The following FOCAD variants were observed in gnomAD, a reference collection of about 807,000 sequenced individuals.
FOCAD encodes the protein KIAA1797.
A neutral mutation model predicts 225.6 loss-of-function variants in FOCAD; 198 were observed. The observed-to-expected ratio is 0.88, with a 90% CI of 0.78 to 0.99. The LOEUF is 0.99. FOCAD is among the 50% of genes least tolerant of loss of function. The pLI is 0.00. For synonymous variants in FOCAD, 897 were observed against 755.0 expected (o/e 1.19, Z -3.08); for missense variants, 2,713 against 2,123.6 (o/e 1.28, Z -5.46).
At position 20,929,589 on chromosome 9, in the gene FOCAD, A is replaced by G; in HGVS notation, c.3310A>G (p.Lys1104Glu). 6.2e-7 allele frequency: 1 copy of G among 1,613,502 alleles called. No individual in the cohort carries two copies. The highest frequency in any genetic ancestry group is 1.1e-5 in the South Asian group (1 of 90,998). Residue 1104 changes from lysine (K) to glutamate (E), a missense_variant, in exon 27 of 44, where the codon AAA (lysine) becomes GAA (glutamate). By Grantham distance (56) the Lys-to-Glu change is moderately conservative. Transcript: ENST00000338382. ...GMFLSRLCEE[K>E]LSDISGQEMN... ...GTTTCTCTCTCGCTTGTGTGAAGAG[A>G]AACTCAGGTACAGTTTATTAAAATA...
chr9:20,820,008 T>C, intron 12 of FOCAD, 108 bp downstream of exon 12: 1 of 618,064 alleles, frequency 1.6e-6, no homozygotes, highest in Non-Finnish European at 2.8e-6. Flanking sequence ...CCATAGTCAC[T>C]ACTTCTCTTG....
At chr9:20,845,706 C>T (rs991646742) in intron 15 of FOCAD, among the ~76,000 whole-genome samples, 1 of 151,952 alleles carries the variant, frequency 6.6e-6, no homozygotes, top group East Asian at 1.9e-4. Flanking sequence ...CATATGGACT[C>T]CTACCTGTAT....
intron 15 of FOCAD, among the ~76,000 whole-genome samples, chr9:20,858,172 GTTC>G (rs1828392538): frequency 1.3e-5 from 2 of 152,122 alleles, no homozygotes; most frequent in Middle Eastern, 3.4e-3. Context: ...ATCGATATTA[GTTC>G]TTCTTTAAAT....
chr9:20,885,432 C>G (rs1831031600), intron 21 of FOCAD: 1 of 336,782 alleles, frequency 3.0e-6, no homozygotes, highest in Non-Finnish European at 5.0e-6. Context: ...CCCCCACTGC[C>G]CAGCGTATTT....
upstream of FOCAD, chr9:20,683,321 T>G (rs1193087441): frequency 6.6e-6 from 1 of 152,172 alleles, no homozygotes; most frequent in Non-Finnish European, 1.5e-5. Flanking sequence ...TATTTTTATT[T>G]TTTCCTAAGG....
At chr9:20,962,733 A>G (rs551890891) in intron 35 of FOCAD, among the ~76,000 whole-genome samples, 7 of 152,330 alleles carry the variant, frequency 4.6e-5, no homozygotes, top group East Asian at 3.9e-4. Context: ...GAGGCTGTCA[A>G]CTGGATGAGA....
In FOCAD at chr9:20,881,944, A is replaced by G; in HGVS notation, c.2391A>G (p.Ala797=). Residue 797 remains alanine, a synonymous_variant, in exon 20 of 44, where the codon GCA becomes GCG. Coordinates refer to ENST00000338382, the MANE Select transcript of FOCAD (RefSeq NM_001375567.1). The stretch of plus-strand genomic sequence containing the variant: ...TGCCTCGTGGGATATATCACTCTGC[A>G]TTAAAAGGAGGTGCCCGCTCAGACC... The part of the protein sequence containing the change: ...VNMPRGIYHS[A]LKGGARSDQG... The G allele has an allele frequency of 1.2e-6, 2 of 1,613,972 alleles. No individual in the cohort carries two copies. Among genetic ancestry groups the G allele is most frequent in the East Asian group, 2.2e-5 (1 of 44,876 alleles).
chr9:20,989,973 G>A (rs1048685014), intron 41 of FOCAD, 150 bp from the exon 42 acceptor site: 49 of 802,886 alleles, frequency 6.1e-5, no homozygotes, highest in Non-Finnish European at 9.0e-5. Flanking sequence ...GTTCAGTTCA[G>A]TTCCTCTTCT....
At chr9:20,736,201 T>C (rs1162763515) in intron 4 of FOCAD, among the ~76,000 whole-genome samples, 2 of 151,298 alleles carry the variant, frequency 1.3e-5, no homozygotes, top group African/African-American at 4.8e-5. Flanking sequence ...TTTTTTTGTT[T>C]TATAAAATTT....
chr9:20,712,497 A>T (rs994791080), intron 1 of FOCAD, among the ~76,000 whole-genome samples: 3 of 143,448 alleles, frequency 2.1e-5, no homozygotes, highest in Non-Finnish European at 3.1e-5. Context: ...TGTCTCTACT[A>T]AAAATACAAA....
chr9:20,836,922 A>T (rs1314113840), intron 15 of FOCAD, among the ~76,000 whole-genome samples: 1 of 152,110 alleles, frequency 6.6e-6, no homozygotes, highest in Non-Finnish European at 1.5e-5. Context: ...GATCATGGAA[A>T]GTTGAATGCT....
intron 24 of FOCAD, among the ~76,000 whole-genome samples, chr9:20,922,943 G>A (rs772759011): frequency 5.0e-5 from 7 of 140,770 alleles, no homozygotes; most frequent in Non-Finnish European, 1.1e-4. Flanking sequence ...AGGTTTTTAC[G>A]TTAAATTCAG....
chr9:20,974,048 C>G (rs1840012598), intron 35 of FOCAD, among the ~76,000 whole-genome samples: 1 of 148,060 alleles, frequency 6.8e-6, no homozygotes, highest in African/African-American at 2.5e-5. Flanking sequence ...CTGTGCTTCT[C>G]TTTTCTGCTG....
intron 6 of FOCAD, among the ~76,000 whole-genome samples, chr9:20,764,443 AGT>A (rs1434951213): frequency 6.6e-6 from 1 of 152,132 alleles, no homozygotes; most frequent in Non-Finnish European, 1.5e-5. Flanking sequence ...TAGTAGAGAC[AGT>A]GTTTCACCAT....
intron 6 of FOCAD, among the ~76,000 whole-genome samples, chr9:20,758,912 A>G (rs1217588649): frequency 1.3e-5 from 2 of 152,238 alleles, no homozygotes; most frequent in African/African-American, 4.8e-5. Context: ...AAGCAACTTC[A>G]GCAAAGTCTC....
intron 1 of FOCAD, among the ~76,000 whole-genome samples, chr9:20,711,555 T>C (rs969159023): frequency 1.3e-5 from 2 of 152,106 alleles, no homozygotes; most frequent in African/African-American, 4.8e-5. Context: ...GGAACTAAGA[T>C]GATGAGTGTA....
intron 5 of FOCAD, among the ~76,000 whole-genome samples, chr9:20,743,872 G>T (rs889130103): frequency 2.0e-5 from 3 of 152,174 alleles, no homozygotes; most frequent in African/African-American, 7.2e-5. Flanking sequence ...GACTAGAGGG[G>T]ATCTTGGGTG....
At position 20,843,224 on chromosome 9, in the gene FOCAD, C is replaced by T. The variant is rs560638624; in HGVS notation, c.1921-19354C>T. ...GAATTTTGTGTCTTCAGATGATTTC[C>T]AAATGCTCTCTAACATCCTTTTCTT... On this transcript the variant is annotated intron_variant, in intron 15 of 43. Transcript: ENST00000338382. 2.6e-5 allele frequency among the ~76,000 whole-genome samples: 4 copies of T among 152,028 alleles called. No individual in the cohort carries two copies. The South Asian group carries it at 6.2e-4, about 24-fold the overall frequency.
intron 11 of FOCAD, among the ~76,000 whole-genome samples, chr9:20,799,425 C>G (rs1465716736): frequency 1.3e-5 from 2 of 152,150 alleles, no homozygotes; most frequent in African/African-American, 4.8e-5. Context: ...TCTCGTTGAT[C>G]TGTCTAATGT....
Sources: allele counts gnomAD v4.1 joint callset (sites outside exome capture counted in the v4.1 genomes callset), GRCh38; gene constraint gnomAD v4.1.1; transcripts MANE v1.5; gene names NCBI Gene and HGNC (gene_info 2026-07-23, HGNC 2026-07-21).